Variants in GSK3B observed in about 807,000 individuals in gnomAD.
GSK3B encodes glycogen synthase kinase-3 beta.
In GSK3B, 15 loss-of-function variants were observed where a neutral mutation model predicts 56.4. That is an observed-to-expected ratio of 0.27 (90% CI 0.18 to 0.41). GSK3B has a LOEUF of 0.41. GSK3B is among the 10% of genes least tolerant of loss of function. GSK3B has a pLI of 1.00. For synonymous variants in GSK3B, 181 were observed against 188.9 expected, an observed-to-expected ratio of 0.96 and a Z score of 0.34; for missense variants, 300 against 513.4, an observed-to-expected ratio of 0.58 and a Z score of 4.02.
At chr3:119,898,776 A>G (rs1303538695) in intron 7 of GSK3B, among the ~76,000 whole-genome samples, 1 of 152,190 alleles carries the variant, frequency 6.6e-6, no homozygotes, top group Non-Finnish European at 1.5e-5. Context: ...ACTATATACT[A>G]TGTTTTTCCT....
chr3:120,077,068 TG>T (rs2058373171), intron 1 of GSK3B, among the ~76,000 whole-genome samples: 1 of 152,184 alleles, frequency 6.6e-6, no homozygotes, highest in South Asian at 2.1e-4. Context: ...TGTACACTGT[TG>T]GTGAGAATGC....
chr3:120,061,196 G>C (rs140525749), intron 1 of GSK3B, among the ~76,000 whole-genome samples: 2 of 152,236 alleles, frequency 1.3e-5, no homozygotes, highest in East Asian at 3.9e-4. Flanking sequence ...CTGTTTATAG[G>C]CATCCAGAAA....
chr3:120,054,943 G>A (rs2107546253), intron 1 of GSK3B, among the ~76,000 whole-genome samples: 1 of 152,258 alleles, frequency 6.6e-6, no homozygotes, highest in South Asian at 2.1e-4. Context: ...ATATCTGGGT[G>A]TCTTTCTTGA....
At chr3:120,040,467 C>T (rs1286504891) in intron 1 of GSK3B, among the ~76,000 whole-genome samples, 1 of 152,144 alleles carries the variant, frequency 6.6e-6, no homozygotes, top group East Asian at 1.9e-4. Flanking sequence ...ATCTCTAACA[C>T]AAGGTATTGA....
intron 7 of GSK3B, among the ~76,000 whole-genome samples, chr3:119,896,451 A>G (rs1311067212): frequency 6.6e-6 from 1 of 151,258 alleles, no homozygotes; most frequent in African/African-American, 2.5e-5. Flanking sequence ...CTGTATACAC[A>G]TCAACCAGTT....
chr3:119,876,297 A>C, intron 8 of GSK3B, 116 bp downstream of exon 8: 1 of 645,030 alleles, frequency 1.6e-6, no homozygotes, highest in Admixed American at 2.6e-5. Flanking sequence ...AACTATCTTT[A>C]CATGCAGAAC....
intron 2 of GSK3B, among the ~76,000 whole-genome samples, chr3:119,972,152 A>T (rs2107516457): frequency 6.6e-6 from 1 of 152,340 alleles, no homozygotes. Flanking sequence ...CTATATAGAT[A>T]GCTGTTATAC....
chr3:119,941,068 T>G (rs1327924714), intron 3 of GSK3B, among the ~76,000 whole-genome samples: 2 of 149,792 alleles, frequency 1.3e-5, no homozygotes, highest in African/African-American at 5.0e-5. Flanking sequence ...CAAGCTGGAG[T>G]GCAATGGCTC....
At chr3:119,833,238 T>C (rs1248067624) in intron 10 of GSK3B, among the ~76,000 whole-genome samples, 1 of 150,684 alleles carries the variant, frequency 6.6e-6, no homozygotes, top group East Asian at 2.0e-4. Context: ...TTACACCTAC[T>C]GCCAAAGGAT....
Position 120,093,465 on chromosome 3 carries a change from T to C in GSK3B, c.-31A>G. 7.1e-7 allele frequency: 1 copy of C among 1,399,698 alleles called. No individual in the cohort carries two copies. Among genetic ancestry groups the C allele is most frequent in the East Asian group, 2.3e-5 (1 of 43,910 alleles). The allele number at this position is 1,399,698 out of a possible 1,614,324, so 86.7% of individuals were successfully genotyped here. ...CTCTCTTCGCGAATCACCTTTTCCT[T>C]CCTTCCTCCTTTTCTTCCTTTTGTC... is the stretch of plus-strand genomic sequence containing the variant. On this transcript the variant is annotated 5_prime_UTR_variant, in exon 1 of 11. Transcript: ENST00000264235.
intron 1 of GSK3B, among the ~76,000 whole-genome samples, chr3:120,081,848 TCA>T (rs375044739): frequency 1.5e-3 from 230 of 152,220 alleles, no homozygotes; most frequent in Middle Eastern, 3.4e-3. Context: ...ATTAGAAGGG[TCA>T]CAGAGAGTGC....
intron 1 of GSK3B, among the ~76,000 whole-genome samples, chr3:120,002,515 T>C (rs1425311189): frequency 1.2e-4 from 19 of 152,048 alleles, no homozygotes; most frequent in Non-Finnish European, 2.9e-5. Context: ...ATTTTTGTAT[T>C]TCTAGCAGAG....
chr3:119,855,274 A>G (rs565893071), intron 9 of GSK3B, among the ~76,000 whole-genome samples: 3 of 152,362 alleles, frequency 2.0e-5, no homozygotes, highest in South Asian at 4.1e-4. Context: ...CAAAACCACA[A>G]GGAGATACCA....
chr3:119,852,373 G>A (rs1247387124), intron 9 of GSK3B, among the ~76,000 whole-genome samples: 1 of 150,402 alleles, frequency 6.6e-6, no homozygotes, highest in African/African-American at 2.5e-5. Context: ...TTTAAAGACA[G>A]AGTCTCGCTC....
chr3:119,985,583 A>G (rs2107458673), intron 2 of GSK3B, among the ~76,000 whole-genome samples: 1 of 152,320 alleles, frequency 6.6e-6, no homozygotes, highest in Non-Finnish European at 1.5e-5. Flanking sequence ...TCCCATTCAC[A>G]ATTGCTACAA....
chr3:119,950,083 T>C (rs1325681748), intron 2 of GSK3B, among the ~76,000 whole-genome samples: 3 of 151,592 alleles, frequency 2.0e-5, no homozygotes, highest in Admixed American at 6.6e-5. Context: ...AAATGAAAAA[T>C]AGAGGACAGA....
chr3:119,976,765 CAA>C (rs563133631), intron 2 of GSK3B, among the ~76,000 whole-genome samples: 15,697 of 82,870 alleles, frequency 0.19, 669 homozygotes, highest in African/African-American at 0.24. Context: ...CCACTCCCCA[CAA>C]AAAAAAAAAA....
chr3:119,969,129 T>TA (rs2107513450), intron 2 of GSK3B, among the ~76,000 whole-genome samples: 1 of 151,924 alleles, frequency 6.6e-6, no homozygotes, highest in South Asian at 2.1e-4. Flanking sequence ...CCGTTTCTAC[T>TA]AAAAATACAA....
At chr3:119,880,099 A>G (rs2056363565) in intron 7 of GSK3B, among the ~76,000 whole-genome samples, 6 of 152,134 alleles carry the variant, frequency 3.9e-5, no homozygotes, top group Admixed American at 3.9e-4. Flanking sequence ...CATAACAAGG[A>G]TTCTGTTTTC....
Sources: gnomAD v4.1 joint callset for allele counts (sites outside exome capture counted in the v4.1 genomes callset) on GRCh38, gnomAD v4.1.1 for gene constraint, MANE v1.5 for transcripts, NCBI Gene and HGNC (gene_info 2026-07-23, HGNC 2026-07-21) for gene names.